Variants in DPP6 observed in about 807,000 individuals in gnomAD.
DPP6 encodes the protein dipeptidyl peptidase like 6.
In DPP6, 69 loss-of-function variants were observed where a neutral mutation model predicts 122.6. That is an observed-to-expected ratio of 0.56 (90% CI 0.46 to 0.69). The LOEUF is 0.69. Ranked by LOEUF, DPP6 falls within the 30% of genes least tolerant of loss-of-function variation. DPP6 has a pLI of 0.00. For synonymous variants in DPP6, 418 were observed against 433.1 expected (o/e 0.97, Z 0.43); for missense variants, 928 against 1,116.9 (o/e 0.83, Z 2.41).
At chr7:154,634,812 T>C (rs1835639659) in intron 5 of DPP6, among the ~76,000 whole-genome samples, 2 of 152,034 alleles carry the variant, frequency 1.3e-5, no homozygotes, top group South Asian at 2.1e-4. Flanking sequence ...CAGAGCTGAA[T>C]TGCAGGGGTG....
At chr7:154,735,306 G>C (rs1842522312) in intron 8 of DPP6, among the ~76,000 whole-genome samples, 1 of 152,128 alleles carries the variant, frequency 6.6e-6, no homozygotes, top group African/African-American at 2.4e-5. Flanking sequence ...CAAAGTTCTT[G>C]TGACTTGGTA....
chr7:154,060,011 G>C (rs1461431772), intron 1 of DPP6, among the ~76,000 whole-genome samples: 3 of 133,272 alleles, frequency 2.3e-5, no homozygotes, highest in East Asian at 2.2e-4. Context: ...CCCGCATCGC[G>C]GGAGGGGAGG....
chr7:154,558,671 A>G (rs1830209598), intron 4 of DPP6, among the ~76,000 whole-genome samples: 1 of 152,248 alleles, frequency 6.6e-6, no homozygotes, highest in Admixed American at 6.5e-5. Context: ...GCCTTGGAGC[A>G]ATAGGCTATG....
intron 3 of DPP6, among the ~76,000 whole-genome samples, chr7:154,491,377 C>T (rs962226877): frequency 2.0e-5 from 3 of 152,202 alleles, no homozygotes; most frequent in Admixed American, 2.0e-4. Flanking sequence ...AAAATCCTTA[C>T]TCCCTGATTG....
chr7:154,392,611 A>G (rs1814719440), intron 1 of DPP6, among the ~76,000 whole-genome samples: 1 of 152,210 alleles, frequency 6.6e-6, no homozygotes, highest in African/African-American at 2.4e-5. Flanking sequence ...CCTCGTAGGA[A>G]GGTTTTTGAA....
At chr7:154,072,909 G>A (rs990257311) in intron 1 of DPP6, among the ~76,000 whole-genome samples, 2 of 152,272 alleles carry the variant, frequency 1.3e-5, no homozygotes, top group African/African-American at 4.8e-5. Flanking sequence ...GGGTATGGTT[G>A]TCTGGCACAG....
At chr7:153,793,671 C>A in the DPP6 span, among the ~76,000 whole-genome samples, 1 of 140,724 alleles carries the variant, frequency 7.1e-6, no homozygotes, top group African/African-American at 2.7e-5. Flanking sequence ...TGTCTCCAGG[C>A]CACATCAGAG....
intron 7 of DPP6, among the ~76,000 whole-genome samples, chr7:154,680,845 G>C (rs1007705681): frequency 6.6e-6 from 1 of 152,086 alleles, no homozygotes; most frequent in African/African-American, 2.4e-5. Flanking sequence ...ATCACCCTCC[G>C]GGGATCACAG....
At chr7:154,816,105 T>C (rs906233938) in intron 16 of DPP6, among the ~76,000 whole-genome samples, 44 of 152,176 alleles carry the variant, frequency 2.9e-4, no homozygotes, top group Non-Finnish European at 5.6e-4. Context: ...CACCTACAGC[T>C]TCGCGACCTT....
At chr7:154,181,438 G>A (rs1442017016) in intron 1 of DPP6, among the ~76,000 whole-genome samples, 1 of 152,100 alleles carries the variant, frequency 6.6e-6, no homozygotes, top group African/African-American at 2.4e-5. Context: ...GTTTATGTAA[G>A]ACATGACCCT....
At chr7:154,640,760 A>C (rs1217004343) in intron 6 of DPP6, among the ~76,000 whole-genome samples, 1 of 152,180 alleles carries the variant, frequency 6.6e-6, no homozygotes, top group Non-Finnish European at 1.5e-5. Flanking sequence ...ATTGTCTTTT[A>C]AAAATAAAAA....
chr7:154,164,664 C>A (rs193130063), intron 1 of DPP6, among the ~76,000 whole-genome samples: 1 of 152,244 alleles, frequency 6.6e-6, no homozygotes, highest in Non-Finnish European at 1.5e-5. Context: ...CTCTACTCTG[C>A]TTTCTGTCTC....
At chr7:154,384,453 C>T (rs1235536600) in intron 1 of DPP6, among the ~76,000 whole-genome samples, 1 of 152,128 alleles carries the variant, frequency 6.6e-6, no homozygotes, top group Non-Finnish European at 1.5e-5. Flanking sequence ...AAGGAGCAGG[C>T]ATTCCCTGCA....
Position 154,196,779 on chromosome 7 carries a change from G to A in DPP6, c.243+143716G>A, listed in dbSNP as rs573943801. Among the ~76,000 whole-genome samples, 189 of 152,218 alleles carry A rather than the reference G, an allele frequency of 1.2e-3. 2 individuals carry two copies. The highest frequency in any genetic ancestry group is 0.011 in the South Asian group (52 of 4,822). ...AGGGAGCCTTCACCCTTTCAGGACCGAGGCCAAGCTCCCCAGGCTGGCTTT... is the reference window on the plus strand; with the variant it reads ...AGGGAGCCTTCACCCTTTCAGGACCAAGGCCAAGCTCCCCAGGCTGGCTTT... On this transcript the variant is annotated intron_variant, in intron 1 of 25. Transcript: ENST00000377770.
chr7:154,524,044 T>C (rs79649092), intron 3 of DPP6, among the ~76,000 whole-genome samples: 2,540 of 152,320 alleles, frequency 0.017, 32 homozygotes, highest in South Asian at 0.027. Context: ...GTTGACAGTC[T>C]TCTGAAAGGT....
At chr7:154,681,101 A>G (rs912169081) in intron 7 of DPP6, among the ~76,000 whole-genome samples, 87 of 152,352 alleles carry the variant, frequency 5.7e-4, no homozygotes, top group African/African-American at 2.0e-3. Context: ...ACATTTCAAA[A>G]AAAAAATGGT....
intron 1 of DPP6, among the ~76,000 whole-genome samples, chr7:154,116,994 T>C: frequency 6.6e-6 from 1 of 152,056 alleles, no homozygotes; most frequent in Non-Finnish European, 1.5e-5. Flanking sequence ...AAAAGGCCTC[T>C]CTTCTCCAGT....
chr7:154,497,626 A>G, intron 3 of DPP6, among the ~76,000 whole-genome samples: 1 of 152,190 alleles, frequency 6.6e-6, no homozygotes, highest in East Asian at 1.9e-4. Context: ...AGAAAAAAAA[A>G]AAGAAAAGAA....
At position 154,822,680 on chromosome 7, in the gene DPP6, C is replaced by T. The variant is rs538225310; in HGVS notation, c.1666+15568C>T. On this transcript the variant is annotated intron_variant, in intron 16 of 25. Coordinates refer to ENST00000377770, the MANE Select transcript of DPP6 (RefSeq NM_130797.4). ...GACAGTGTCAGCCCCCCGCCCCCAA[C>T]GACTTCATCCACACCTCTGCTCACA... Among the ~76,000 whole-genome samples the T allele has an allele frequency of 2.9e-4, 44 of 152,268 alleles. 1 individual carries two copies. The highest frequency in any genetic ancestry group is 1.9e-4 in the East Asian group (1 of 5,178).
Sources: gnomAD v4.1 joint callset for allele counts (sites outside exome capture counted in the v4.1 genomes callset) on GRCh38, gnomAD v4.1.1 for gene constraint, MANE v1.5 for transcripts, NCBI Gene and HGNC (gene_info 2026-07-23, HGNC 2026-07-21) for gene names.